GMDS: variants seen among roughly 807,000 people sequenced by gnomAD.
GMDS encodes the protein GDP-mannose 4,6-dehydratase, also known as GDP-mannose 4,6 dehydratase.
Under a neutral mutation model 49.9 loss-of-function variants are expected in GMDS, and 20 were observed. The observed-to-expected ratio is 0.40, with a 90% CI of 0.28 to 0.58. The LOEUF is 0.58. GMDS is among the 20% of genes least tolerant of loss of function. The pLI is 0.42. For synonymous variants in GMDS, 177 were observed against 178.6 expected (o/e 0.99, Z 0.07); for missense variants, 362 against 481.4 (o/e 0.75, Z 2.32).
intron 1 of GMDS, among the ~76,000 whole-genome samples, chr6:2,176,155 T>G (rs890827878): frequency 6.6e-6 from 1 of 152,218 alleles, no homozygotes; most frequent in Non-Finnish European, 1.5e-5. Context: ...TCAGTTACTT[T>G]TGCTGATTGA....
intron 9 of GMDS, among the ~76,000 whole-genome samples, chr6:1,629,798 C>T (rs77117602): frequency 0.016 from 2,400 of 152,228 alleles, 60 homozygotes; most frequent in African/African-American, 0.054. Context: ...GATGGGATCT[C>T]GGTAGAATTT....
intron 4 of GMDS, among the ~76,000 whole-genome samples, chr6:2,077,343 ATCCT>A (rs1398022451): frequency 6.6e-6 from 1 of 152,098 alleles, no homozygotes. Flanking sequence ...GAAAATGGGC[ATCCT>A]GGTATTGTTT....
chr6:2,227,000 A>G (rs1278202459), intron 1 of GMDS, among the ~76,000 whole-genome samples: 1 of 152,208 alleles, frequency 6.6e-6, no homozygotes, highest in East Asian at 1.9e-4. Context: ...GAAGTCAATC[A>G]GTAACAAGTT....
chr6:2,193,243 C>T (rs1271289438), intron 1 of GMDS, among the ~76,000 whole-genome samples: 1 of 152,204 alleles, frequency 6.6e-6, no homozygotes, highest in African/African-American at 2.4e-5. Context: ...ATTGTCTGAG[C>T]GTAAAACCTC....
chr6:1,748,011 C>T (rs1024444902), intron 7 of GMDS, among the ~76,000 whole-genome samples: 1 of 152,196 alleles, frequency 6.6e-6, no homozygotes, highest in Non-Finnish European at 1.5e-5. Context: ...AGCCATATAG[C>T]TCTTGCTTCT....
chr6:1,624,311 G>T, intron 10 of GMDS, 80 bp from the exon 11 acceptor site: 1 of 1,394,300 alleles, frequency 7.2e-7, no homozygotes. Context: ...GTCGGCCCCA[G>T]AGAGGCCTCC....
At chr6:1,913,388 CAAAA>C (rs56262461) in intron 7 of GMDS, among the ~76,000 whole-genome samples, 1 of 103,932 alleles carries the variant, frequency 9.6e-6, no homozygotes. Context: ...CTCAAACAAA[CAAAA>C]AAAAAAAAAA....
At chr6:2,151,313 A>G (rs1776832537) in intron 1 of GMDS, among the ~76,000 whole-genome samples, 1 of 152,092 alleles carries the variant, frequency 6.6e-6, no homozygotes, top group African/African-American at 2.4e-5. Context: ...ACCCACAAAA[A>G]TTAAAAATCA....
At chr6:1,757,466 AGTTTCT>A (rs1767991565) in intron 7 of GMDS, among the ~76,000 whole-genome samples, 1 of 152,178 alleles carries the variant, frequency 6.6e-6, no homozygotes. Context: ...TGCAGGAGGA[AGTTTCT>A]TTACACTCAT....
chr6:2,040,169 C>T (rs900409923), intron 4 of GMDS, among the ~76,000 whole-genome samples: 2 of 152,180 alleles, frequency 1.3e-5, no homozygotes, highest in African/African-American at 2.4e-5. Flanking sequence ...TGAGAGAGCA[C>T]ACCAGACCAC....
At chr6:1,930,808 C>T (rs1269556386) in intron 6 of GMDS, 1 of 152,206 alleles carries the variant, frequency 6.6e-6, no homozygotes, top group Non-Finnish European at 1.5e-5. Flanking sequence ...ATTTAGAAAC[C>T]TGCACAGCCA....
At chr6:1,636,624 TC>T (rs1473270291) in intron 9 of GMDS, among the ~76,000 whole-genome samples, 1 of 152,124 alleles carries the variant, frequency 6.6e-6, no homozygotes, top group East Asian at 1.9e-4. Flanking sequence ...AGGAACGGGC[TC>T]CCATGGAGGG....
At chr6:1,816,628 T>C (rs1299207090) in intron 7 of GMDS, among the ~76,000 whole-genome samples, 1 of 152,196 alleles carries the variant, frequency 6.6e-6, no homozygotes, top group African/African-American at 2.4e-5. Flanking sequence ...ATAAAAGTAA[T>C]ATATTCTCAT....
intron 4 of GMDS, among the ~76,000 whole-genome samples, chr6:1,995,052 C>A (rs1279721076): frequency 2.0e-5 from 3 of 152,082 alleles, no homozygotes; most frequent in Non-Finnish European, 4.4e-5. Flanking sequence ...AGGCAGTAAC[C>A]TTATACGAAG....
chr6:1,983,124 G>A (rs1765315570), intron 4 of GMDS, among the ~76,000 whole-genome samples: 2 of 152,096 alleles, frequency 1.3e-5, no homozygotes, highest in South Asian at 4.1e-4. Flanking sequence ...AACAAGCAAT[G>A]GGGAAAGGAT....
chr6:2,122,613 C>T (rs577352848), intron 2 of GMDS, among the ~76,000 whole-genome samples: 9 of 152,296 alleles, frequency 5.9e-5, no homozygotes, highest in Admixed American at 5.2e-4. Context: ...AAACATAAGG[C>T]CTGTGCCACC....
intron 7 of GMDS, among the ~76,000 whole-genome samples, chr6:1,839,746 T>C (rs1757075270): frequency 1.3e-5 from 2 of 152,130 alleles, no homozygotes; most frequent in Non-Finnish European, 2.9e-5. Flanking sequence ...AAAGCACTTG[T>C]TACTAGATGC....
intron 4 of GMDS, among the ~76,000 whole-genome samples, chr6:2,006,554 C>T (rs1169282817): frequency 6.6e-6 from 1 of 152,070 alleles, no homozygotes; most frequent in Non-Finnish European, 1.5e-5. Context: ...TAACAACTGC[C>T]ACAAAATACA....
At chr6:2,139,377 T>C (rs1252377868) in intron 1 of GMDS, among the ~76,000 whole-genome samples, 1 of 152,240 alleles carries the variant, frequency 6.6e-6, no homozygotes, top group East Asian at 1.9e-4. Flanking sequence ...TGTTTATGTA[T>C]GCTAATGTAG....
Sources: allele counts gnomAD v4.1 joint callset (sites outside exome capture counted in the v4.1 genomes callset), GRCh38; gene constraint gnomAD v4.1.1; transcripts MANE v1.5; gene names NCBI Gene and HGNC (gene_info 2026-07-23, HGNC 2026-07-21).